Variants in DCAF13 observed in about 807,000 individuals in gnomAD.
DCAF13 encodes the protein DDB1 and CUL4 associated factor 13.
In DCAF13, 38 loss-of-function variants were observed where a neutral mutation model predicts 59.0. The observed-to-expected ratio is 0.64, with a 90% CI of 0.50 to 0.84. The LOEUF (loss-of-function observed/expected upper bound fraction) is 0.84, where lower values mean the gene tolerates loss of function less well. Ranked by LOEUF, DCAF13 falls within the 40% of genes least tolerant of loss-of-function variation. The pLI is 0.00. For missense variants in DCAF13, 469 were observed against 558.4 expected (o/e 0.84, Z 1.61); for synonymous variants, 173 against 175.0 (o/e 0.99, Z 0.09).
At chr8:103,438,324 C>G (rs1816961097) in intron 8 of DCAF13, among the ~76,000 whole-genome samples, 2 of 152,002 alleles carry the variant, frequency 1.3e-5, no homozygotes, top group South Asian at 2.1e-4. Flanking sequence ...ATCATCCCCT[C>G]TCTTTTAAAA....
At chr8:103,427,063 GA>G (rs1280874933) in intron 4 of DCAF13, 33 bp from the exon 5 acceptor site, 2 of 1,530,768 alleles carry the variant, frequency 1.3e-6, no homozygotes, top group East Asian at 2.3e-5. Context: ...AATTAGTAAT[GA>G]AAAAAATCCT....
chr8:103,427,235 A>G lies in DCAF13; in HGVS notation c.607A>G (p.Lys203Glu). Residue 203 changes from lysine to glutamate, a missense_variant, in exon 5 of 11, where the codon AAA (lysine) becomes GAA (glutamate). Lys to Glu is a moderately conservative substitution (Grantham distance 56, BLOSUM62 1). Around this residue, in one of 3 missense-constraint regions of DCAF13, gnomAD observed 355 missense variants for 399.1 expected, o/e 0.89. Coordinates refer to ENST00000612750, the MANE Select transcript of DCAF13 (RefSeq NM_015420.7). ...GGGATTTGACAGTATAAGTAGTGTT[A>G]AATTTAACCCAATTGAGGTAATGTT... Reference protein sequence around the residue: ...TWGFDSISSVKFNPIETFLLG... With the variant: ...TWGFDSISSVEFNPIETFLLG... The G allele has an allele frequency of 6.2e-7, 1 of 1,612,890 alleles. No homozygotes were observed. The highest frequency in any genetic ancestry group is 8.5e-7 in the Non-Finnish European group (1 of 1,179,300).
intron 8 of DCAF13, among the ~76,000 whole-genome samples, chr8:103,438,254 C>G (rs3098221): frequency 0.46 from 69,571 of 151,870 alleles, 16,006 homozygotes; most frequent in African/African-American, 0.49. Flanking sequence ...GAGCACTGAG[C>G]GGGAGAAGAA....
At chr8:103,432,612 A>G in intron 6 of DCAF13, 47 bp from the exon 7 acceptor site, 1 of 1,241,774 alleles carries the variant, frequency 8.1e-7, no homozygotes, top group Non-Finnish European at 1.2e-6. Context: ...CAGTGGGGAA[A>G]AGAAAAGGAA....
In DCAF13 at chr8:103,430,589, G is replaced by T. The variant is rs750135792; in HGVS notation, c.625-23G>T. 3.2e-6 allele frequency: 5 copies of T among 1,585,164 alleles called. No homozygotes were observed. The East Asian group carries it at 9.0e-5, about 29-fold the overall frequency. ...TGCTGCCAGGTCTGGCTTTGAACTG[G>T]TGATTGTTATACTTGTTTTTAGACA... On this transcript the variant is annotated intron_variant, in intron 5 of 10. Transcript: ENST00000612750.
chr8:103,426,037 A>G lies in DCAF13; in HGVS notation c.379-19A>G. 2 of 1,576,304 alleles carry G rather than the reference A, an allele frequency of 1.3e-6. No homozygotes were observed. The highest frequency in any genetic ancestry group is 1.7e-6 in the Non-Finnish European group (2 of 1,145,832). On this transcript the variant is annotated intron_variant, in intron 3 of 10. Coordinates refer to ENST00000612750, the MANE Select transcript of DCAF13 (RefSeq NM_015420.7). ...ACTGTTGTTCCTTACCATCATCATA[A>G]TAAAACAAATATTTCTAGGTTGGTG...
intron 5 of DCAF13, chr8:103,429,725 T>A (rs982611121): frequency 6.6e-6 from 1 of 152,126 alleles, no homozygotes; most frequent in Non-Finnish European, 1.5e-5. Context: ...AACAATAAAT[T>A]TATATAGCTA....
chr8:103,434,878 T>C (rs547289245), intron 7 of DCAF13, among the ~76,000 whole-genome samples: 2 of 152,194 alleles, frequency 1.3e-5, no homozygotes, highest in Admixed American at 1.3e-4. Context: ...TGAAAGGCCA[T>C]GTTCACTCTT....
intron 1 of DCAF13, among the ~76,000 whole-genome samples, chr8:103,419,412 C>T (rs1236512965): frequency 6.6e-6 from 1 of 152,148 alleles, no homozygotes; most frequent in Admixed American, 6.5e-5. Context: ...TTTGGAACAG[C>T]GCCTGGCACT....
chr8:103,417,038 A>T (rs1816629372), intron 1 of DCAF13, among the ~76,000 whole-genome samples: 1 of 152,204 alleles, frequency 6.6e-6, no homozygotes, highest in South Asian at 2.1e-4. Context: ...AATTATGGAC[A>T]TTATCATTTT....
chr8:103,419,525 A>G (rs1209101912), intron 1 of DCAF13, among the ~76,000 whole-genome samples: 2 of 152,240 alleles, frequency 1.3e-5, no homozygotes, highest in African/African-American at 2.4e-5. Flanking sequence ...TCGTGTGTCT[A>G]TCAGCACAGT....
chr8:103,432,894 G>A (rs1244791510), intron 7 of DCAF13, among the ~76,000 whole-genome samples, 153 bp downstream of exon 7: 2 of 152,118 alleles, frequency 1.3e-5, no homozygotes, highest in Non-Finnish European at 2.9e-5. Flanking sequence ...CCAAATTGGA[G>A]AAGAACTTCT....
chr8:103,421,361 A>T, intron 3 of DCAF13: 1 of 504,776 alleles, frequency 2.0e-6, no homozygotes, highest in Non-Finnish European at 3.6e-6. Context: ...AGGATTTTTG[A>T]TGCTAAGATG....
chr8:103,421,092 A>G lies in DCAF13; in HGVS notation c.378+10A>G, dbSNP rs757289460. ...GACTTCTTTTTTCACTGTAAGTATA[A>G]TACCATTAAGTCATTAAATTTGATC... On this transcript the variant is annotated intron_variant, in intron 3 of 10. Transcript: ENST00000612750. 10 of 1,517,838 alleles carry G rather than the reference A, an allele frequency of 6.6e-6. No homozygotes were observed. Among genetic ancestry groups the G allele is most frequent in the South Asian group, 1.1e-5 (1 of 89,128 alleles). The allele number at this position is 1,517,838 out of a possible 1,614,324, so 94.0% of individuals were successfully genotyped here. A position where few individuals can be genotyped will look rare whatever the true frequency, so the allele number is the denominator to read the frequency against.
intron 3 of DCAF13, chr8:103,421,346 T>C: frequency 1.8e-6 from 1 of 544,452 alleles, no homozygotes; most frequent in Non-Finnish European, 3.3e-6. Context: ...TTTGGCTTAC[T>C]CTGGAGGATT....
chr8:103,421,974 G>A (rs1816728228), intron 3 of DCAF13, among the ~76,000 whole-genome samples: 1 of 152,186 alleles, frequency 6.6e-6, no homozygotes, highest in Non-Finnish European at 1.5e-5. Context: ...TTTTAAACAA[G>A]GGGAACGACA....
chr8:103,430,649 T>G lies in DCAF13; in HGVS notation c.662T>G (p.Ile221Arg). Residue 221 changes from isoleucine (I) to arginine (R), a missense_variant, in exon 6 of 11, where the codon ATA (isoleucine) becomes AGA (arginine). By Grantham distance (97) the Ile-to-Arg change is moderately conservative. Coordinates refer to ENST00000612750, the MANE Select transcript of DCAF13 (RefSeq NM_015420.7). ...LLGSCASDRN[I>R]VLYDMRQATP... The stretch of plus-strand genomic sequence containing the variant: ...GGAAGTTGTGCATCTGACAGGAATA[T>G]AGTACTGTACGATATGAGGCAAGCT... 1 of 1,611,632 alleles carries G rather than the reference T, an allele frequency of 6.2e-7. No homozygotes were observed. Among genetic ancestry groups the G allele is most frequent in the Non-Finnish European group, 8.5e-7 (1 of 1,178,846 alleles).
At chr8:103,429,968 G>C (rs1331795907) in intron 5 of DCAF13, 1 of 152,048 alleles carries the variant, frequency 6.6e-6, no homozygotes, top group East Asian at 1.9e-4. Context: ...AGAACTACGT[G>C]GGGGGGAAAT....
intron 1 of DCAF13, among the ~76,000 whole-genome samples, chr8:103,415,795 C>G (rs1296377072): frequency 6.6e-6 from 1 of 152,202 alleles, no homozygotes; most frequent in Non-Finnish European, 1.5e-5. Flanking sequence ...CTGGGATTGT[C>G]TTCAGGTTCC....
Sources: gnomAD v4.1 joint callset for allele counts (sites outside exome capture counted in the v4.1 genomes callset) on GRCh38, gnomAD v4.1.1 for gene constraint, gnomAD v4.1.1 regional missense constraint, MANE v1.5 for transcripts, NCBI Gene and HGNC (gene_info 2026-07-23, HGNC 2026-07-21) for gene names.